Variants in CNTNAP5 observed in about 807,000 individuals in gnomAD.
CNTNAP5 encodes the protein contactin associated protein family member 5, also known as contactin-associated protein-like 5.
A neutral mutation model predicts 150.2 loss-of-function variants in CNTNAP5; 72 were observed. The observed-to-expected ratio is 0.48, with a 90% CI of 0.40 to 0.58. The LOEUF is 0.58. Ranked by LOEUF, CNTNAP5 falls within the 20% of genes least tolerant of loss-of-function variation. The pLI is 0.00. For synonymous variants in CNTNAP5, 672 were observed against 619.8 expected (o/e 1.08, Z -1.25); for missense variants, 1,636 against 1,626.2 (o/e 1.01, Z -0.10).
At chr2:124,772,739 C>T (rs1681231069) in intron 16 of CNTNAP5, 60 bp from the exon 17 acceptor site, 1 of 1,312,818 alleles carries the variant, frequency 7.6e-7, no homozygotes, top group Admixed American at 1.7e-5. Context: ...CCACTCAAGC[C>T]TGTGCCTTGA....
chr2:124,627,614 C>T (rs1327768838), intron 12 of CNTNAP5, among the ~76,000 whole-genome samples: 3 of 151,608 alleles, frequency 2.0e-5, no homozygotes, highest in African/African-American at 7.3e-5. Flanking sequence ...TGAGGAAAAA[C>T]CAATGCAGAA....
intron 3 of CNTNAP5, among the ~76,000 whole-genome samples, chr2:124,365,755 G>C (rs2104720816): frequency 6.6e-6 from 1 of 152,212 alleles, no homozygotes; most frequent in Non-Finnish European, 1.5e-5. Context: ...AGATTATATA[G>C]GTCAATGCAC....
intron 1 of CNTNAP5, among the ~76,000 whole-genome samples, chr2:124,065,249 A>G (rs1325626406): frequency 6.6e-6 from 1 of 152,184 alleles, no homozygotes. Context: ...TTAGAGTTGA[A>G]CAAATAAATG....
At chr2:124,526,798 A>G (rs1030139937) in intron 9 of CNTNAP5, among the ~76,000 whole-genome samples, 1 of 152,190 alleles carries the variant, frequency 6.6e-6, no homozygotes, top group African/African-American at 2.4e-5. Context: ...TTTCTCAGGA[A>G]CTAAGCCTGT....
chr2:124,446,567 C>G (rs1692821703), intron 5 of CNTNAP5, among the ~76,000 whole-genome samples, 186 bp from the exon 6 acceptor site: 1 of 152,144 alleles, frequency 6.6e-6, no homozygotes, highest in South Asian at 2.1e-4. Flanking sequence ...GCATATTGAA[C>G]TTGATTCTGG....
intron 6 of CNTNAP5, among the ~76,000 whole-genome samples, chr2:124,459,644 G>A (rs185416204): frequency 2.7e-4 from 41 of 151,802 alleles, no homozygotes; most frequent in African/African-American, 6.5e-4. Context: ...TCAGCTACTC[G>A]GGAAGCTGAG....
At position 124,317,134 on chromosome 2, in the gene CNTNAP5, G is replaced by T. The variant is rs143263099; in HGVS notation, c.381+74741G>T. Among the ~76,000 whole-genome samples the T allele has an allele frequency of 5.3e-5, 8 of 152,184 alleles. No individual in the cohort carries two copies. In the East Asian group the frequency reaches 1.4e-3, roughly 26 times the overall value. ...TGAAGAATATGTGGCTATTTACACC[G>T]GGTGGCTTCAACTAAGACCATAAAA... On this transcript the variant is annotated intron_variant, in intron 3 of 23. Coordinates refer to ENST00000682447, the MANE Select transcript of CNTNAP5 (RefSeq NM_001367498.1).
At chr2:124,087,543 G>GA (rs2104682381) in intron 1 of CNTNAP5, among the ~76,000 whole-genome samples, 1 of 151,888 alleles carries the variant, frequency 6.6e-6, no homozygotes, top group Non-Finnish European at 1.5e-5. Context: ...GCAATATGGT[G>GA]AAACCCCATT....
intron 2 of CNTNAP5, among the ~76,000 whole-genome samples, chr2:124,226,175 T>A (rs1160744838): frequency 6.6e-6 from 1 of 152,076 alleles, no homozygotes; most frequent in South Asian, 2.1e-4. Flanking sequence ...TTTTTTTTTT[T>A]AGAAACCTCC....
At chr2:124,337,127 G>C (rs1689492218) in intron 3 of CNTNAP5, among the ~76,000 whole-genome samples, 1 of 152,184 alleles carries the variant, frequency 6.6e-6, no homozygotes, top group African/African-American at 2.4e-5. Flanking sequence ...GATGGCCAGT[G>C]ATGATGAGCA....
chr2:124,717,863 A>G (rs1447274272), intron 13 of CNTNAP5, among the ~76,000 whole-genome samples: 1 of 152,222 alleles, frequency 6.6e-6, no homozygotes, highest in Non-Finnish European at 1.5e-5. Context: ...AAACACAAAT[A>G]TATTAATAAA....
intron 3 of CNTNAP5, among the ~76,000 whole-genome samples, chr2:124,270,046 T>C (rs1300891656): frequency 6.6e-6 from 1 of 152,158 alleles, no homozygotes; most frequent in East Asian, 1.9e-4. Context: ...CCGGGTGTGG[T>C]GGCTCATGCC....
intron 12 of CNTNAP5, among the ~76,000 whole-genome samples, chr2:124,641,639 C>G (rs1483324362): frequency 6.6e-6 from 1 of 152,160 alleles, no homozygotes; most frequent in African/African-American, 2.4e-5. Context: ...ATAACTACAG[C>G]AGAAGTGACC....
intron 6 of CNTNAP5, among the ~76,000 whole-genome samples, chr2:124,448,620 A>G (rs1368820428): frequency 6.6e-6 from 1 of 152,186 alleles, no homozygotes; most frequent in East Asian, 1.9e-4. Context: ...GGGGTCAGAA[A>G]ACTACCTGGC....
chr2:124,521,727 A>T (rs754638171), intron 8 of CNTNAP5, among the ~76,000 whole-genome samples: 5 of 152,166 alleles, frequency 3.3e-5, no homozygotes. Flanking sequence ...TTTACCTGCA[A>T]ATGCAGTCCC....
chr2:124,586,799 A>G (rs902801216), intron 11 of CNTNAP5, among the ~76,000 whole-genome samples: 1 of 152,238 alleles, frequency 6.6e-6, no homozygotes, highest in East Asian at 1.9e-4. Flanking sequence ...AGCTAACTAC[A>G]GGGAACATTT....
intron 1 of CNTNAP5, among the ~76,000 whole-genome samples, chr2:124,213,702 A>G (rs1047551288): frequency 6.6e-6 from 1 of 152,218 alleles, no homozygotes; most frequent in Non-Finnish European, 1.5e-5. Flanking sequence ...GAAAGTGAAA[A>G]GAATAAAGCA....
At chr2:124,761,295 G>A (rs998823266) in intron 14 of CNTNAP5, among the ~76,000 whole-genome samples, 30 of 151,966 alleles carry the variant, frequency 2.0e-4, no homozygotes, top group Admixed American at 1.5e-3. Flanking sequence ...AATTAAATCC[G>A]ATCATATTCC....
chr2:124,195,936 G>C (rs1324088434), intron 1 of CNTNAP5, among the ~76,000 whole-genome samples: 1 of 152,152 alleles, frequency 6.6e-6, no homozygotes, highest in African/African-American at 2.4e-5. Flanking sequence ...TGCCCACAGT[G>C]AGTTAGTATG....
Sources: gnomAD v4.1 joint callset for allele counts (sites outside exome capture counted in the v4.1 genomes callset) on GRCh38, gnomAD v4.1.1 for gene constraint, MANE v1.5 for transcripts, NCBI Gene and HGNC (gene_info 2026-07-23, HGNC 2026-07-21) for gene names.